Variants in VSTM4 observed in about 807,000 individuals in gnomAD.
VSTM4 encodes the protein V-set and transmembrane domain containing 4.
Under a neutral mutation model 36.4 loss-of-function variants are expected in VSTM4, and 20 were observed. That is an observed-to-expected ratio of 0.55 (90% CI 0.39 to 0.80). The LOEUF is 0.80. VSTM4 is among the 30% of genes least tolerant of loss of function. The probability of loss-of-function intolerance (pLI) is 0.00; values close to 1 mark genes in which losing one functional copy is unlikely to be tolerated. For missense variants in VSTM4, 392 were observed against 404.5 expected (o/e 0.97, Z 0.26); for synonymous variants, 182 against 173.9 (o/e 1.05, Z -0.37).
chr10:49,044,147 G>A (rs1239345631), intron 7 of VSTM4, among the ~76,000 whole-genome samples: 2 of 152,100 alleles, frequency 1.3e-5, no homozygotes, highest in Admixed American at 6.6e-5. Context: ...GGACAGCATG[G>A]TGAAACCCCA....
rs1843077149 is a variant in VSTM4, at chr10:49,014,631, A to C, written c.*5019T>G. The C allele has an allele frequency of 6.6e-6, 1 of 152,224 alleles. No homozygotes were observed. Among genetic ancestry groups the C allele is most frequent in the African/African-American group, 2.4e-5 (1 of 41,434 alleles). The allele number at this position is 152,224 out of a possible 1,614,324, so 9.4% of individuals were successfully genotyped here. ...AATGTTTTTTTTTTCCCAGAGAAAG[A>C]AAGCACTTTTAAAAAGCAGTAATCA... On this transcript the variant is annotated 3_prime_UTR_variant, in exon 8 of 8. Transcript: ENST00000332853.
chr10:49,083,963 C>A (rs1844325679), intron 3 of VSTM4, among the ~76,000 whole-genome samples: 1 of 152,180 alleles, frequency 6.6e-6, no homozygotes. Flanking sequence ...TCTGATGCAT[C>A]TGATGATACA....
At chr10:49,030,596 C>T (rs1010290584) in intron 7 of VSTM4, among the ~76,000 whole-genome samples, 4 of 152,180 alleles carry the variant, frequency 2.6e-5, no homozygotes, top group Admixed American at 6.5e-5. Context: ...GATATGAAGA[C>T]GTGCACTTTG....
At chr10:49,079,315 C>T (rs1486807609) in intron 3 of VSTM4, among the ~76,000 whole-genome samples, 3 of 150,956 alleles carry the variant, frequency 2.0e-5, no homozygotes, top group South Asian at 4.2e-4. Context: ...GAGACCTTTC[C>T]GCCTCAGCCT....
chr10:49,033,561 C>A (rs981848909), intron 7 of VSTM4, among the ~76,000 whole-genome samples: 1 of 152,184 alleles, frequency 6.6e-6, no homozygotes. Context: ...CTATCACTGT[C>A]CAATGAGGTC....
intron 2 of VSTM4, among the ~76,000 whole-genome samples, chr10:49,086,352 T>A (rs1302708412): frequency 6.6e-6 from 1 of 152,234 alleles, no homozygotes; most frequent in African/African-American, 2.4e-5. Flanking sequence ...TTTTACCATT[T>A]TAGTGGGAAT....
chr10:49,027,226 C>T (rs1423393859), intron 7 of VSTM4, among the ~76,000 whole-genome samples: 2 of 152,196 alleles, frequency 1.3e-5, no homozygotes, highest in East Asian at 3.9e-4. Context: ...TGAAGGAAGG[C>T]ATTTTACAAC....
At chr10:49,032,524 G>A (rs184111816) in intron 7 of VSTM4, among the ~76,000 whole-genome samples, 1 of 152,326 alleles carries the variant, frequency 6.6e-6, no homozygotes, top group Admixed American at 6.5e-5. Context: ...GATGAGAGAG[G>A]CTCGAGGATG....
intron 7 of VSTM4, among the ~76,000 whole-genome samples, chr10:49,033,329 G>A (rs1025477544): frequency 6.6e-6 from 1 of 152,094 alleles, no homozygotes; most frequent in Non-Finnish European, 1.5e-5. Flanking sequence ...TAGGGAACTT[G>A]GCACACAGAA....
At chr10:49,030,084 C>A (rs1027881031) in intron 7 of VSTM4, among the ~76,000 whole-genome samples, 3 of 152,326 alleles carry the variant, frequency 2.0e-5, no homozygotes, top group South Asian at 4.1e-4. Context: ...TGGCAGCAGA[C>A]CCCTGAGCAG....
intron 2 of VSTM4, among the ~76,000 whole-genome samples, chr10:49,095,578 A>G (rs1385904070): frequency 6.6e-6 from 1 of 152,114 alleles, no homozygotes; most frequent in Non-Finnish European, 1.5e-5. Flanking sequence ...ACTTTTGAGC[A>G]GGCTGTCGTC....
At chr10:49,035,811 G>A (rs1843421263) in intron 7 of VSTM4, among the ~76,000 whole-genome samples, 5 of 152,036 alleles carry the variant, frequency 3.3e-5, no homozygotes. Flanking sequence ...ACTCCAGCCT[G>A]GGCAATAGAG....
At chr10:49,093,497 GT>G (rs1413165528) in intron 2 of VSTM4, among the ~76,000 whole-genome samples, 3 of 152,206 alleles carry the variant, frequency 2.0e-5, no homozygotes, top group Non-Finnish European at 2.9e-5. Context: ...CAGAACATGT[GT>G]AAGGATGGAC....
At position 49,019,801 on chromosome 10, in the gene VSTM4, C is replaced by T. The variant is rs1397682354; in HGVS notation, c.838-26G>A. On this transcript the variant is annotated intron_variant, in intron 7 of 7. Coordinates refer to ENST00000332853, the MANE Select transcript of VSTM4 (RefSeq NM_001031746.5). ...CTATAAAAGAAAAAACAAAACAAAACACAATTCTAGCTGACCACAGGAGCT... is the reference window on the plus strand; with the variant it reads ...CTATAAAAGAAAAAACAAAACAAAATACAATTCTAGCTGACCACAGGAGCT... The T allele has an allele frequency of 3.1e-6, 5 of 1,604,270 alleles. No individual in the cohort carries two copies. The South Asian group carries it at 3.3e-5, about 11-fold the overall frequency.
rs74678451 is a variant in VSTM4 at position 49,095,027 on chromosome 10, G to A, written c.458-9004C>T. On this transcript the variant is annotated intron_variant, in intron 2 of 7. Coordinates refer to ENST00000332853, the MANE Select transcript of VSTM4 (RefSeq NM_001031746.5). ...CTAGCTTATGCCGCCCTTTCCTACC[G>A]CATTCAGTCCAAGACAAATTCCAGC... 1.8e-3 allele frequency among the ~76,000 whole-genome samples: 275 copies of A among 152,150 alleles called. 1 individual carries two copies. The highest frequency in any genetic ancestry group is 2.6e-3 in the Non-Finnish European group (174 of 68,006).
At chr10:49,115,291 G>T (rs1844974376) in intron 1 of VSTM4, 140 bp downstream of exon 1, 1 of 490,144 alleles carries the variant, frequency 2.0e-6, no homozygotes, top group Non-Finnish European at 2.7e-6. Context: ...ACCGGAGCGC[G>T]CTGGCGACAG....
chr10:49,060,125 A>T (rs960164823), intron 5 of VSTM4, among the ~76,000 whole-genome samples: 1 of 152,168 alleles, frequency 6.6e-6, no homozygotes, highest in African/African-American at 2.4e-5. Flanking sequence ...ATACATCTAG[A>T]TTGTCTCTGG....
chr10:49,107,052 G>C (rs867989381), intron 2 of VSTM4, among the ~76,000 whole-genome samples: 3 of 152,104 alleles, frequency 2.0e-5, no homozygotes, highest in Non-Finnish European at 4.4e-5. Context: ...AACCCAGATG[G>C]CTCCACATAA....
At chr10:49,022,870 T>C (rs1193453982) in intron 7 of VSTM4, among the ~76,000 whole-genome samples, 1 of 152,022 alleles carries the variant, frequency 6.6e-6, no homozygotes, top group Non-Finnish European at 1.5e-5. Flanking sequence ...TCTTAAGTTA[T>C]TCCATTACGT....
Sources: allele counts gnomAD v4.1 joint callset (sites outside exome capture counted in the v4.1 genomes callset), GRCh38; gene constraint gnomAD v4.1.1; transcripts MANE v1.5; gene names NCBI Gene and HGNC (gene_info 2026-07-23, HGNC 2026-07-21).